The following GMPS variants were observed in gnomAD, a reference collection of about 807,000 sequenced individuals.
GMPS encodes guanosine monophosphate synthase.
A neutral mutation model predicts 77.9 loss-of-function variants in GMPS; 15 were observed. The ratio of observed to expected loss-of-function variants is 0.19; its 90% CI spans 0.13 to 0.30. The LOEUF is 0.30. GMPS is among the 10% of genes least tolerant of loss of function. GMPS has a pLI of 1.00. For missense variants in GMPS, 590 were observed against 838.8 expected (o/e 0.70, Z 3.66); for synonymous variants, 224 against 275.9 (o/e 0.81, Z 1.86).
chr3:155,932,364 T>A (rs1383867398), intron 13 of GMPS, among the ~76,000 whole-genome samples: 1 of 151,874 alleles, frequency 6.6e-6, no homozygotes, highest in Non-Finnish European at 1.5e-5. Context: ...GAGACTTGGT[T>A]AATTTAGTAG....
At chr3:155,902,535 T>C (rs1754758706) in intron 3 of GMPS, among the ~76,000 whole-genome samples, 1 of 152,224 alleles carries the variant, frequency 6.6e-6, no homozygotes, top group Admixed American at 6.5e-5. Flanking sequence ...CCCATTTCTT[T>C]GTAAGTATTG....
chr3:155,872,433 A>G (rs1048367061), intron 1 of GMPS, among the ~76,000 whole-genome samples: 8 of 152,166 alleles, frequency 5.3e-5, no homozygotes, highest in African/African-American at 9.7e-5. Context: ...TTTTCTGCCT[A>G]GTTTTGAGTC....
chr3:155,894,675 T>G (rs1754557832), intron 2 of GMPS, among the ~76,000 whole-genome samples: 1 of 152,204 alleles, frequency 6.6e-6, no homozygotes, highest in Admixed American at 6.5e-5. Context: ...TTTAAAATTT[T>G]ATTTTTCTTA....
chr3:155,880,563 C>CAT (rs1453620289), intron 1 of GMPS, among the ~76,000 whole-genome samples: 1 of 152,160 alleles, frequency 6.6e-6, no homozygotes, highest in Non-Finnish European at 1.5e-5. Context: ...TGAGTTTTGA[C>CAT]ATATATATGT....
At position 155,941,099 on chromosome 3, in the gene GMPS, G is replaced by T. The variant is rs1415844176; in HGVS notation, c.*3407G>T. 2.7e-5 allele frequency: 5 copies of T among 185,700 alleles called. No individual in the cohort carries two copies. The East Asian group carries it at 4.3e-4, about 16-fold the overall frequency. The allele number at this position is 185,700 out of a possible 1,614,324, so 11.5% of individuals were successfully genotyped here. A position where few individuals can be genotyped will look rare whatever the true frequency, so the allele number is the denominator to read the frequency against. On this transcript the variant is annotated 3_prime_UTR_variant, in exon 16 of 16. Coordinates refer to ENST00000496455, the MANE Select transcript of GMPS (RefSeq NM_003875.3). The stretch of plus-strand genomic sequence containing the variant: ...GAGGAAATGCTCTAGGGCCCTTCAG[G>T]GCAAATCTTAAAAGGAAGTTCTTGG...
chr3:155,925,198 T>C lies in GMPS; in HGVS notation c.1435-43T>C. ...AGTAGATAATAAAAGAGTGAATACC[T>C]TATTTCTTAAAACTGAAAAAATGCC... On this transcript the variant is annotated intron_variant, in intron 11 of 15. Coordinates refer to ENST00000496455, the MANE Select transcript of GMPS (RefSeq NM_003875.3). 1.9e-6 allele frequency: 3 copies of C among 1,569,828 alleles called. No homozygotes were observed. In the South Asian group the frequency reaches 3.5e-5, roughly 18 times the overall value.
At chr3:155,894,201 T>G (rs1266428806) in intron 2 of GMPS, among the ~76,000 whole-genome samples, 2 of 152,194 alleles carry the variant, frequency 1.3e-5, no homozygotes, top group African/African-American at 4.8e-5. Context: ...TTTCTTCCTT[T>G]AACAACTATT....
intron 15 of GMPS, among the ~76,000 whole-genome samples, chr3:155,937,324 C>T (rs1577540261): frequency 6.6e-6 from 1 of 152,220 alleles, no homozygotes; most frequent in African/African-American, 2.4e-5. Flanking sequence ...CAGTCACAAA[C>T]ACAACTTGCA....
chr3:155,882,763 G>A (rs759306397), intron 1 of GMPS, among the ~76,000 whole-genome samples: 1 of 152,012 alleles, frequency 6.6e-6, no homozygotes, highest in African/African-American at 2.4e-5. Flanking sequence ...TTCTTTTTTT[G>A]TCATGAACTG....
chr3:155,921,438 A>G (rs1755314117), intron 10 of GMPS, among the ~76,000 whole-genome samples: 1 of 152,320 alleles, frequency 6.6e-6, no homozygotes, highest in Middle Eastern at 3.4e-3. Context: ...TCCCTTATTA[A>G]AAACTTTGGA....
Position 155,897,134 on chromosome 3 carries a change from AT to A in GMPS, c.210-791del, listed in dbSNP as rs554085230. ...TCCAGATTTTTTTTTCCCTGAAGAAATTCCAGAAATCTGAATTTTTGTGAAA... is the reference window on the plus strand; with the variant it reads ...TCCAGATTTTTTTTTCCCTGAAGAAATCCAGAAATCTGAATTTTTGTGAAA... On this transcript the variant is annotated intron_variant, in intron 2 of 15. Transcript: ENST00000496455. 1.9e-4 allele frequency among the ~76,000 whole-genome samples: 29 copies of A among 152,242 alleles called. No individual in the cohort carries two copies. The East Asian group carries it at 5.2e-3, about 27-fold the overall frequency.
chr3:155,934,449 C>G (rs1435428961), intron 13 of GMPS, among the ~76,000 whole-genome samples: 2 of 152,114 alleles, frequency 1.3e-5, no homozygotes, highest in African/African-American at 4.8e-5. Flanking sequence ...ACCCTCATTC[C>G]CCTGTGGGTA....
intron 1 of GMPS, among the ~76,000 whole-genome samples, chr3:155,885,887 C>T (rs1754322823): frequency 6.6e-6 from 1 of 152,202 alleles, no homozygotes; most frequent in African/African-American, 2.4e-5. Context: ...GTGGCATGAT[C>T]TTGGCTCACT....
intron 13 of GMPS, among the ~76,000 whole-genome samples, chr3:155,934,175 G>A (rs1467955618): frequency 6.6e-6 from 1 of 152,140 alleles, no homozygotes; most frequent in African/African-American, 2.4e-5. Flanking sequence ...TATATTAATA[G>A]TTTCTGAAGT....
At chr3:155,899,432 C>CT (rs59464061) in intron 3 of GMPS, among the ~76,000 whole-genome samples, 77,031 of 143,504 alleles carry the variant, frequency 0.54, 20,856 homozygotes, top group African/African-American at 0.58. Flanking sequence ...CTCTTCTTTT[C>CT]TTTTTTTTTT....
chr3:155,911,701 T>C (rs969760231), intron 7 of GMPS, among the ~76,000 whole-genome samples: 4 of 151,658 alleles, frequency 2.6e-5, no homozygotes, highest in African/African-American at 7.3e-5. Context: ...TAGCCAGTCT[T>C]GGTGGTGGGC....
In GMPS at chr3:155,916,001, T is replaced by G. The variant is rs763060101; in HGVS notation, c.1039-18T>G. On this transcript the variant is annotated intron_variant, in intron 8 of 15. Transcript: ENST00000496455. Reference sequence around the variant, plus strand: ...AAAGTTATCTCTTACAAGGCTGTTTTACTCCTGTTGATTATAGATTGCCAA... The same window carrying G: ...AAAGTTATCTCTTACAAGGCTGTTTGACTCCTGTTGATTATAGATTGCCAA... The G allele has an allele frequency of 1.8e-5, 29 of 1,596,114 alleles. No homozygotes were observed. In the South Asian group the frequency reaches 3.1e-4, roughly 17 times the overall value.
At chr3:155,910,536 T>A (rs1268844870) in intron 5 of GMPS, among the ~76,000 whole-genome samples, 156 bp from the exon 6 acceptor site, 7 of 126,626 alleles carry the variant, frequency 5.5e-5, no homozygotes, top group Non-Finnish European at 9.2e-5. Flanking sequence ...GCCACTGCAC[T>A]CCAGCCTGAG....
chr3:155,904,889 T>G (rs1258083106), intron 4 of GMPS, among the ~76,000 whole-genome samples: 1 of 152,256 alleles, frequency 6.6e-6, no homozygotes, highest in African/African-American at 2.4e-5. Flanking sequence ...CAACCTATAC[T>G]ATTCCTAAAC....
Sources: allele counts gnomAD v4.1 joint callset (sites outside exome capture counted in the v4.1 genomes callset), GRCh38; gene constraint gnomAD v4.1.1; transcripts MANE v1.5; gene names NCBI Gene and HGNC (gene_info 2026-07-23, HGNC 2026-07-21).